Variants in ANKRD11 observed in about 807,000 individuals in gnomAD.
The protein encoded by ANKRD11 is ankyrin repeat domain-containing protein 11.
ANKRD11 carries 17 observed loss-of-function variants against 195.7 expected under a neutral mutation model. The ratio of observed to expected loss-of-function variants is 0.09; its 90% CI spans 0.06 to 0.13. The LOEUF (loss-of-function observed/expected upper bound fraction) is 0.13. Ranked by LOEUF, ANKRD11 falls within the 10% of genes least tolerant of loss-of-function variation. ANKRD11 has a pLI of 1.00. For missense variants in ANKRD11, 3,735 were observed against 3,566.1 expected (o/e 1.05, Z -1.21); for synonymous variants, 1,953 against 1,528.1 (o/e 1.28, Z -6.49).
chr16:89,452,645 C>T (rs1299611443), intron 1 of ANKRD11, among the ~76,000 whole-genome samples: 1 of 151,732 alleles, frequency 6.6e-6, no homozygotes, highest in African/African-American at 2.4e-5. Context: ...AGTGTGGTGG[C>T]GGGAGCCTGT....
At chr16:89,430,675 T>A (rs1298940929) in intron 1 of ANKRD11, among the ~76,000 whole-genome samples, 1 of 152,256 alleles carries the variant, frequency 6.6e-6, no homozygotes, top group East Asian at 1.9e-4. Context: ...CATTCCACAC[T>A]GCAGGCTCTG....
chr16:89,407,792 A>C (rs2041965979), intron 2 of ANKRD11, among the ~76,000 whole-genome samples: 1 of 149,508 alleles, frequency 6.7e-6, no homozygotes, highest in African/African-American at 2.5e-5. Flanking sequence ...AGAGGCTGCA[A>C]TGAGCCGTGA....
chr16:89,441,563 G>T (rs71396916), intron 1 of ANKRD11, among the ~76,000 whole-genome samples: 23 of 151,820 alleles, frequency 1.5e-4, no homozygotes, highest in East Asian at 5.9e-4. Flanking sequence ...GTCAGCAGAT[G>T]GAGACCATCC....
intron 2 of ANKRD11, among the ~76,000 whole-genome samples, chr16:89,378,556 T>C (rs2040514892): frequency 6.6e-6 from 1 of 152,204 alleles, no homozygotes; most frequent in Non-Finnish European, 1.5e-5. Flanking sequence ...AGGCTACAGA[T>C]ACAGCAGGCT....
Position 89,291,830 on chromosome 16 carries a change from T to C in ANKRD11, c.227-647A>G. On this transcript the variant is annotated intron_variant, in intron 4 of 12. Transcript: ENST00000301030. The surrounding 1 kb of genome is among the most constrained non-coding windows in gnomAD (Gnocchi z 5.3). ...AAGACACGGTGTGAGAGCTCGGCTGTTTCCACCTCAGCCTCCTCGTAACAA... is the reference window on the plus strand; with the variant it reads ...AAGACACGGTGTGAGAGCTCGGCTGCTTCCACCTCAGCCTCCTCGTAACAA... 3 of 1,227,972 alleles carry C rather than the reference T, an allele frequency of 2.4e-6. No homozygotes were observed. The highest frequency in any genetic ancestry group is 2.5e-5 in the South Asian group (2 of 79,830). The allele number at this position is 1,227,972 out of a possible 1,614,324, so 76.1% of individuals were successfully genotyped here.
chr16:89,376,449 T>C (rs915173621), intron 2 of ANKRD11, among the ~76,000 whole-genome samples: 8 of 152,114 alleles, frequency 5.3e-5, no homozygotes, highest in Admixed American at 5.2e-4. Context: ...TTTGTTTTTG[T>C]TTTTTTGAGT....
At chr16:89,369,742 G>A (rs2040112846) in intron 2 of ANKRD11, among the ~76,000 whole-genome samples, 1 of 152,214 alleles carries the variant, frequency 6.6e-6, no homozygotes, top group Non-Finnish European at 1.5e-5. Flanking sequence ...CCCTTTCCAA[G>A]TAAGGGTGAA....
chr16:89,385,422 C>A (rs529180586), intron 2 of ANKRD11, among the ~76,000 whole-genome samples: 1 of 152,304 alleles, frequency 6.6e-6, no homozygotes, highest in South Asian at 2.1e-4. Flanking sequence ...AGCCACCGGA[C>A]CCAGCAGACA....
intron 7 of ANKRD11, chr16:89,286,428 G>C (rs1191902776): frequency 1.6e-6 from 1 of 632,860 alleles, no homozygotes; most frequent in Non-Finnish European, 2.7e-6. Context: ...CACCCCTCCT[G>C]TGCTCTCCTT....
At chr16:89,311,512 T>C (rs1201948164) in intron 3 of ANKRD11, among the ~76,000 whole-genome samples, 1 of 151,978 alleles carries the variant, frequency 6.6e-6, no homozygotes, top group African/African-American at 2.4e-5. Context: ...TGAACCTCTA[T>C]GCTTACCTCA....
rs767926131 is a variant in ANKRD11, at chr16:89,283,066, T to C, written c.3476A>G (p.Tyr1159Cys). ...LQEKEEGREA[Y>C]ASDRHRKSSD... ...AGACTTCCTGTGTCTGTCGGAGGCA[T>C]AGGCCTCCCGTCCTTCCTCCTTCTC... Residue 1159 changes from tyrosine (Y) to cysteine (C), a missense_variant, in exon 9 of 13, where the codon TAT (tyrosine) becomes TGT (cysteine). By Grantham distance (194) the Tyr-to-Cys change is radical (BLOSUM62 -2). Transcript: ENST00000301030. This position sits in a 1 kb window ranked among gnomAD's most constrained non-coding sequence, Gnocchi z 4.3. 7.4e-6 allele frequency: 12 copies of C among 1,614,018 alleles called. No individual in the cohort carries two copies. The highest frequency in any genetic ancestry group is 4.5e-5 in the East Asian group (2 of 44,868).
chr16:89,331,887 G>C (rs553139526), intron 2 of ANKRD11, among the ~76,000 whole-genome samples: 38 of 151,592 alleles, frequency 2.5e-4, no homozygotes, highest in Non-Finnish European at 3.5e-4. Flanking sequence ...CCGGGTTAAC[G>C]GGCTGGGGTG....
At chr16:89,384,092 C>T (rs1181952222) in intron 2 of ANKRD11, among the ~76,000 whole-genome samples, 1 of 152,128 alleles carries the variant, frequency 6.6e-6, no homozygotes, top group African/African-American at 2.4e-5. Flanking sequence ...TGGTGGCAGG[C>T]GCTTGTAATC....
chr16:89,458,152 A>G (rs996439341), intron 1 of ANKRD11, among the ~76,000 whole-genome samples: 8 of 152,204 alleles, frequency 5.3e-5, no homozygotes, highest in South Asian at 2.1e-4. Flanking sequence ...TAACCAAAAT[A>G]AAACTCAACC....
At chr16:89,432,447 G>A (rs561920099) in intron 1 of ANKRD11, among the ~76,000 whole-genome samples, 80 of 152,182 alleles carry the variant, frequency 5.3e-4, no homozygotes, top group African/African-American at 1.9e-3. Flanking sequence ...CTGTCTGGCT[G>A]CCTCCCCAGC....
chr16:89,294,063 G>A (rs1254927861), intron 4 of ANKRD11, among the ~76,000 whole-genome samples: 1 of 152,142 alleles, frequency 6.6e-6, no homozygotes, highest in Non-Finnish European at 1.5e-5. Flanking sequence ...GGTGCCCCCA[G>A]AGACTTCCTG....
At chr16:89,442,679 C>T (rs972794433) in intron 1 of ANKRD11, among the ~76,000 whole-genome samples, 18 of 152,228 alleles carry the variant, frequency 1.2e-4, no homozygotes, top group African/African-American at 2.4e-4. Context: ...GGTGCTGACA[C>T]GGTTAGTCCT....
intron 2 of ANKRD11, among the ~76,000 whole-genome samples, chr16:89,399,373 T>G (rs975238053): frequency 2.0e-5 from 3 of 152,040 alleles, no homozygotes; most frequent in Non-Finnish European, 4.4e-5. Context: ...AAAAGGACCA[T>G]AGACGCATGC....
intron 2 of ANKRD11, among the ~76,000 whole-genome samples, chr16:89,354,563 T>C (rs948035990): frequency 1.3e-5 from 2 of 152,138 alleles, no homozygotes; most frequent in East Asian, 1.9e-4. Flanking sequence ...AGAGATTTGA[T>C]TGTGTGTCAT....
Sources: allele counts gnomAD v4.1 joint callset (sites outside exome capture counted in the v4.1 genomes callset), GRCh38; gene constraint gnomAD v4.1.1; non-coding constraint Gnocchi (gnomAD v3.1); transcripts MANE v1.5; gene names NCBI Gene and HGNC (gene_info 2026-07-23, HGNC 2026-07-21).